The following UBE2O variants were observed in gnomAD, a reference collection of about 807,000 sequenced individuals.
UBE2O encodes the protein ubiquitin conjugating enzyme E2 O, also known as (E3-independent) E2 ubiquitin-conjugating enzyme.
UBE2O carries 15 observed loss-of-function variants against 125.8 expected under a neutral mutation model. The ratio of observed to expected loss-of-function variants is 0.12; its 90% CI spans 0.08 to 0.18. UBE2O has a LOEUF of 0.18. Ranked by LOEUF, UBE2O falls within the 10% of genes least tolerant of loss-of-function variation. The pLI, the probability that UBE2O is intolerant of heterozygous loss-of-function variation, is 1.00. For synonymous variants in UBE2O, 708 were observed against 703.2 expected (o/e 1.01, Z -0.11); for missense variants, 1,280 against 1,723.6 (o/e 0.74, Z 4.56).
Position 76,400,619 on chromosome 17 carries a change from A to G in UBE2O, c.895-69T>C, listed in dbSNP as rs2072305509. 8.2e-6 allele frequency: 9 copies of G among 1,097,784 alleles called. No individual in the cohort carries two copies. The highest frequency in any genetic ancestry group is 2.2e-5 in the Admixed American group (1 of 44,926). The allele number at this position is 1,097,784 out of a possible 1,614,324, so 68.0% of individuals were successfully genotyped here. ...CAGCACTCTCTTTAGCCAGCTGCCC[A>G]AAGCCCACTTGACCTCCAGAGCAGG... On this transcript the variant is annotated intron_variant, in intron 6 of 17. Transcript: ENST00000319380. This position sits in a 1 kb window ranked among gnomAD's most constrained non-coding sequence, Gnocchi z 4.3.
rs1302598561 is a variant in UBE2O at position 76,399,024 on chromosome 17, A to C, written c.1629-33T>G. 1 of 1,609,250 alleles carries C rather than the reference A, an allele frequency of 6.2e-7. No homozygotes were observed. Among genetic ancestry groups the C allele is most frequent in the African/African-American group, 1.3e-5 (1 of 74,852 alleles). On this transcript the variant is annotated intron_variant, in intron 9 of 17. Transcript: ENST00000319380. This position sits in a 1 kb window ranked among gnomAD's most constrained non-coding sequence, Gnocchi z 6.9. ...TGCAGGCCAGTCAGCAGGCCATGCA[A>C]ACCCCACCCCCTCCGCGGAAAGGGC...
intron 1 of UBE2O, among the ~76,000 whole-genome samples, chr17:76,436,825 A>G (rs899155502): frequency 6.6e-6 from 1 of 152,200 alleles, no homozygotes; most frequent in South Asian, 2.1e-4. Flanking sequence ...AAGATCAACG[A>G]GGAGCATTTA....
chr17:76,398,095 G>A lies in UBE2O; in HGVS notation c.2025+160C>T, dbSNP rs1023864144. ...AAGTCCTTCTGCAGCTGCTAGTGCT[G>A]AGCGGCAGCTTGACTCTGGGGCAGC... On this transcript the variant is annotated intron_variant, in intron 12 of 17. Coordinates refer to ENST00000319380, the MANE Select transcript of UBE2O (RefSeq NM_022066.4). This position sits in a 1 kb window ranked among gnomAD's most constrained non-coding sequence, Gnocchi z 5.4. 7.2e-5 allele frequency among the ~76,000 whole-genome samples: 11 copies of A among 152,356 alleles called. No homozygotes were observed. The East Asian group carries it at 9.6e-4, about 13-fold the overall frequency.
intron 1 of UBE2O, among the ~76,000 whole-genome samples, chr17:76,443,445 C>T (rs537550649): frequency 2.0e-5 from 3 of 152,238 alleles, no homozygotes; most frequent in South Asian, 4.2e-4. Context: ...CCCACCACCA[C>T]GCATGGCTAA....
At chr17:76,420,469 C>T (rs575064059) in intron 1 of UBE2O, among the ~76,000 whole-genome samples, 32 of 152,220 alleles carry the variant, frequency 2.1e-4, no homozygotes, top group African/African-American at 7.2e-4. Flanking sequence ...GTTACAGACT[C>T]GCCCACATCT....
intron 1 of UBE2O, among the ~76,000 whole-genome samples, chr17:76,426,159 C>T (rs185488064): frequency 6.6e-6 from 1 of 152,284 alleles, no homozygotes; most frequent in Admixed American, 6.5e-5. Context: ...CACAACACCA[C>T]ACTTGGCTAA....
intron 3 of UBE2O, among the ~76,000 whole-genome samples, chr17:76,403,282 T>C (rs1181511679): frequency 2.6e-5 from 4 of 152,132 alleles, no homozygotes; most frequent in Non-Finnish European, 5.9e-5. Context: ...ATTATTATTT[T>C]TTTTAGAGAC....
chr17:76,427,572 C>A (rs1423728083), intron 1 of UBE2O, among the ~76,000 whole-genome samples: 1 of 152,160 alleles, frequency 6.6e-6, no homozygotes, highest in Non-Finnish European at 1.5e-5. Context: ...TCCTAGGATT[C>A]CAAAAGGCCT....
chr17:76,431,970 C>A (rs939156357), intron 1 of UBE2O, among the ~76,000 whole-genome samples: 35 of 152,282 alleles, frequency 2.3e-4, no homozygotes, highest in African/African-American at 7.0e-4. Context: ...GAAGACACTC[C>A]CTGTCAGTGT....
chr17:76,418,132 G>A (rs1302916521), intron 1 of UBE2O, among the ~76,000 whole-genome samples: 2 of 152,168 alleles, frequency 1.3e-5, no homozygotes, highest in Non-Finnish European at 2.9e-5. Flanking sequence ...ACTGCCCTGG[G>A]ACGCCCTGAA....
intron 1 of UBE2O, among the ~76,000 whole-genome samples, chr17:76,448,334 C>G (rs1326425839): frequency 6.6e-6 from 1 of 152,234 alleles, no homozygotes; most frequent in Admixed American, 6.5e-5. Flanking sequence ...AACTTCTTCA[C>G]ATTACATCAC....
Position 76,400,444 on chromosome 17 carries a change from C to T in UBE2O, c.1001G>A (p.Gly334Asp). The T allele has an allele frequency of 1.2e-6, 2 of 1,610,518 alleles. No homozygotes were observed. The highest frequency in any genetic ancestry group is 1.7e-6 in the Non-Finnish European group (2 of 1,178,296). Residue 334 changes from glycine to aspartate, a missense_variant, in exon 7 of 18, where the codon GGC becomes GAC. This residue lies in a region of UBE2O where 206 missense variants were observed against 315.7 expected (regional missense o/e 0.65). Coordinates refer to ENST00000319380, the MANE Select transcript of UBE2O (RefSeq NM_022066.4). This position sits in a 1 kb window ranked among gnomAD's most constrained non-coding sequence, Gnocchi z 4.3. ...CTGGCAGTAAGGGCATGCTTACCTG[C>T]CTAGGTTTTCCTGGGTGATGACAGA... ...PPSVITQENLGRVKRLGCFDH... is the reference protein window; with the variant it reads ...PPSVITQENLDRVKRLGCFDH...
At chr17:76,432,472 A>G (rs1047844784) in intron 1 of UBE2O, among the ~76,000 whole-genome samples, 1 of 152,206 alleles carries the variant, frequency 6.6e-6, no homozygotes, top group Non-Finnish European at 1.5e-5. Flanking sequence ...CCTATTTAGC[A>G]ACCCCTTTCT....
At chr17:76,420,519 A>G (rs905933153) in intron 1 of UBE2O, among the ~76,000 whole-genome samples, 1 of 152,164 alleles carries the variant, frequency 6.6e-6, no homozygotes, top group Non-Finnish European at 1.5e-5. Context: ...CATGCAGGCC[A>G]GGAGAACCTA....
At chr17:76,445,759 C>T (rs2073140692) in intron 1 of UBE2O, among the ~76,000 whole-genome samples, 1 of 152,232 alleles carries the variant, frequency 6.6e-6, no homozygotes, top group Non-Finnish European at 1.5e-5. Flanking sequence ...TTATTCTCAA[C>T]TACAGCAAAT....
chr17:76,433,094 C>T (rs967911155), intron 1 of UBE2O, among the ~76,000 whole-genome samples: 6 of 152,114 alleles, frequency 3.9e-5, no homozygotes, highest in Non-Finnish European at 7.4e-5. Context: ...GTATAATATC[C>T]AAGAGAATTG....
rs200804649 is a variant in UBE2O at position 76,396,826 on chromosome 17, G to C, written c.2116-5C>G. The C allele has an allele frequency of 2.5e-4, 390 of 1,571,030 alleles. No individual in the cohort carries two copies. Among genetic ancestry groups the C allele is most frequent in the Non-Finnish European group, 3.3e-4 (377 of 1,156,542 alleles). On this transcript the variant is annotated splice_region_variant and splice_polypyrimidine_tract_variant and intron_variant, in intron 13 of 17. Transcript: ENST00000319380. The surrounding 1 kb of genome is among the most constrained non-coding windows in gnomAD (Gnocchi z 6.7). ...AGACTCTATGTTGTACAAGTGCTGGGGGCAGAAGGGAAGTGCCAGGGTAAG... is the reference window on the plus strand; with the variant it reads ...AGACTCTATGTTGTACAAGTGCTGGCGGCAGAAGGGAAGTGCCAGGGTAAG...
intron 1 of UBE2O, among the ~76,000 whole-genome samples, chr17:76,432,221 C>T (rs927830117): frequency 2.1e-4 from 32 of 152,138 alleles, no homozygotes; most frequent in African/African-American, 6.5e-4. Flanking sequence ...ATGCACATTT[C>T]GGCACAACCA....
rs563302663 is a variant in UBE2O, at chr17:76,421,522, C to G, written c.418-15950G>C. Among the ~76,000 whole-genome samples, 4 of 152,162 alleles carry G rather than the reference C, an allele frequency of 2.6e-5. No homozygotes were observed. In the South Asian group the frequency reaches 6.2e-4, roughly 24 times the overall value. On this transcript the variant is annotated intron_variant, in intron 1 of 17. Coordinates refer to ENST00000319380, the MANE Select transcript of UBE2O (RefSeq NM_022066.4). Reference sequence around the variant, plus strand: ...CTGGGATTACAGGCATGTGCCACCACGCCCAACTAATTTTGTATTTTTAGT... The same window carrying G: ...CTGGGATTACAGGCATGTGCCACCAGGCCCAACTAATTTTGTATTTTTAGT...
Sources: allele counts gnomAD v4.1 joint callset (sites outside exome capture counted in the v4.1 genomes callset), GRCh38; gene constraint gnomAD v4.1.1; regional missense constraint gnomAD v4.1.1; non-coding constraint Gnocchi (gnomAD v3.1); transcripts MANE v1.5; gene names NCBI Gene and HGNC (gene_info 2026-07-23, HGNC 2026-07-21).